The following GALNT13 variants were observed in gnomAD, a reference collection of about 807,000 sequenced individuals.
The protein encoded by GALNT13 is UDP-GalNAc:polypeptide N-acetylgalactosaminyltransferase 13.
Under a neutral mutation model 64.2 loss-of-function variants are expected in GALNT13, and 28 were observed. That is an observed-to-expected ratio of 0.44 (90% CI 0.32 to 0.60). The LOEUF is 0.60. Ranked by LOEUF, GALNT13 falls within the 20% of genes least tolerant of loss-of-function variation. The pLI is 0.05. For synonymous variants in GALNT13, 214 were observed against 224.6 expected, an observed-to-expected ratio of 0.95 and a Z score of 0.42; for missense variants, 577 against 669.8, an observed-to-expected ratio of 0.86 and a Z score of 1.53.
chr2:153,538,840 C>T, the GALNT13 span, among the ~76,000 whole-genome samples: 5 of 27,258 alleles, frequency 1.8e-4, no homozygotes, highest in Non-Finnish European at 1.3e-4. Flanking sequence ...TGAATAATGC[C>T]GCAATAAACA....
intron 3 of GALNT13, among the ~76,000 whole-genome samples, chr2:154,083,193 G>A (rs1187238861): frequency 6.6e-6 from 1 of 151,918 alleles, no homozygotes; most frequent in African/African-American, 2.4e-5. Context: ...GCTTGTTTTT[G>A]TCAGGTTTGT....
the GALNT13 span, among the ~76,000 whole-genome samples, chr2:153,624,607 C>T: frequency 6.6e-6 from 1 of 152,192 alleles, no homozygotes; most frequent in East Asian, 1.9e-4. Flanking sequence ...TCAGCAGCCA[C>T]AGCCTGACCA....
At chr2:154,133,516 GTAACA>G (rs1273905611) in intron 3 of GALNT13, among the ~76,000 whole-genome samples, 1 of 116,242 alleles carries the variant, frequency 8.6e-6, no homozygotes, top group East Asian at 3.0e-4. Context: ...CTTTTTTTCA[GTAACA>G]TAACAGACCA....
chr2:154,436,659 G>C (rs1010793172), intron 11 of GALNT13: 3 of 152,086 alleles, frequency 2.0e-5, no homozygotes, highest in Admixed American at 1.3e-4. Context: ...AATACGGTTT[G>C]GGGAGGATAT....
At chr2:153,112,214 T>G in the GALNT13 span, among the ~76,000 whole-genome samples, 1 of 152,108 alleles carries the variant, frequency 6.6e-6, no homozygotes, top group South Asian at 2.1e-4. Context: ...TTGGGTAGAA[T>G]AAAGCGAGCA....
chr2:153,197,514 C>A, the GALNT13 span, among the ~76,000 whole-genome samples: 1 of 152,216 alleles, frequency 6.6e-6, no homozygotes, highest in African/African-American at 2.4e-5. Context: ...AGGACAATTC[C>A]TGAATATGTT....
intron 2 of GALNT13, among the ~76,000 whole-genome samples, chr2:153,937,964 A>T (rs745708563): frequency 1.3e-5 from 2 of 152,222 alleles, no homozygotes; most frequent in Non-Finnish European, 2.9e-5. Context: ...GTATAGACAT[A>T]TGTAATTATT....
chr2:154,281,372 T>C (rs1691953421), intron 8 of GALNT13, among the ~76,000 whole-genome samples: 1 of 152,136 alleles, frequency 6.6e-6, no homozygotes, highest in South Asian at 2.1e-4. Context: ...GTATTGTTGA[T>C]CTAAAGGACA....
At chr2:154,068,953 C>T (rs535031380) in intron 3 of GALNT13, among the ~76,000 whole-genome samples, 1 of 151,364 alleles carries the variant, frequency 6.6e-6, no homozygotes, top group East Asian at 2.0e-4. Flanking sequence ...TGCTGGATAC[C>T]CCATTTACCC....
the GALNT13 span, among the ~76,000 whole-genome samples, chr2:153,145,772 A>C: frequency 2.0e-5 from 3 of 151,848 alleles, no homozygotes; most frequent in Non-Finnish European, 4.4e-5. Context: ...AGTTTGGGGA[A>C]ATCTGTGGCC....
At chr2:154,406,104 A>T (rs182604961) in intron 10 of GALNT13, among the ~76,000 whole-genome samples, 3 of 152,318 alleles carry the variant, frequency 2.0e-5, no homozygotes, top group African/African-American at 7.2e-5. Context: ...TGTTCCTGGT[A>T]AATAGAAATA....
the GALNT13 span, among the ~76,000 whole-genome samples, chr2:153,693,705 G>GTAAT: frequency 1.3e-5 from 2 of 152,116 alleles, no homozygotes; most frequent in African/African-American, 2.4e-5. Flanking sequence ...ACATTCTTGT[G>GTAAT]AGGCTTTGAT....
the GALNT13 span, among the ~76,000 whole-genome samples, chr2:153,132,392 T>C: frequency 6.6e-6 from 1 of 152,174 alleles, no homozygotes; most frequent in African/African-American, 2.4e-5. Flanking sequence ...ATATAAAATG[T>C]TTTGTGATTT....
At chr2:153,548,325 A>G in the GALNT13 span, among the ~76,000 whole-genome samples, 1 of 152,210 alleles carries the variant, frequency 6.6e-6, no homozygotes, top group East Asian at 1.9e-4. Flanking sequence ...CAAAATAGTA[A>G]GACTTGCCAC....
chr2:153,813,252 C>T, the GALNT13 span, among the ~76,000 whole-genome samples: 6 of 152,022 alleles, frequency 3.9e-5, no homozygotes, highest in Admixed American at 1.3e-4. Context: ...TGAACGAGTA[C>T]GACATACTCT....
At chr2:153,401,892 C>T in the GALNT13 span, among the ~76,000 whole-genome samples, 806 of 152,104 alleles carry the variant, frequency 5.3e-3, 5 homozygotes, top group African/African-American at 0.019. Context: ...ATTTGCCAGT[C>T]TGTGTCTTTT....
chr2:153,257,390 G>T, the GALNT13 span, among the ~76,000 whole-genome samples: 1 of 151,972 alleles, frequency 6.6e-6, no homozygotes, highest in African/African-American at 2.4e-5. Flanking sequence ...ACCTCAGATG[G>T]AAATGCAGAA....
At chr2:153,587,148 C>T in the GALNT13 span, among the ~76,000 whole-genome samples, 48,344 of 150,442 alleles carry the variant, frequency 0.32, 9,617 homozygotes, top group Middle Eastern at 0.51. Flanking sequence ...ACACAAGAGT[C>T]GCATGAGCCT....
In GALNT13 at chr2:154,450,715, C is replaced by A; in HGVS notation, c.*164C>A. On this transcript the variant is annotated 3_prime_UTR_variant, in exon 13 of 13. Coordinates refer to ENST00000392825, the MANE Select transcript of GALNT13 (RefSeq NM_052917.4). ...TTTCTAGAAATGTTTGCTTATTTCC[C>A]TACTAAAATTTGTATCTGATCAAAG... 1.6e-6 allele frequency: 1 copy of A among 629,168 alleles called. No individual in the cohort carries two copies. The highest frequency in any genetic ancestry group is 2.6e-6 in the Non-Finnish European group (1 of 389,818). 39.0% of individuals were successfully genotyped at this position (629,168 alleles called of 1,614,324 possible). A position where few individuals can be genotyped will look rare whatever the true frequency, so the allele number is the denominator to read the frequency against.
Sources: gnomAD v4.1 joint callset for allele counts (sites outside exome capture counted in the v4.1 genomes callset) on GRCh38, gnomAD v4.1.1 for gene constraint, MANE v1.5 for transcripts, NCBI Gene and HGNC (gene_info 2026-07-23, HGNC 2026-07-21) for gene names.